The following MYRIP variants were observed in gnomAD, a reference collection of about 807,000 sequenced individuals.
MYRIP encodes rab effector MyRIP.
A neutral mutation model predicts 98.0 loss-of-function variants in MYRIP; 49 were observed. The observed-to-expected ratio is 0.50, with a 90% CI of 0.40 to 0.63. MYRIP has a LOEUF of 0.63. Ranked by LOEUF, MYRIP falls within the 30% of genes least tolerant of loss-of-function variation. MYRIP has a pLI of 0.00. For synonymous variants in MYRIP, 404 were observed against 409.5 expected (o/e 0.99, Z 0.16); for missense variants, 1,004 against 1,058.2 (o/e 0.95, Z 0.71).
chr3:40,026,573 A>C (rs1947134915), intron 2 of MYRIP, among the ~76,000 whole-genome samples: 1 of 152,204 alleles, frequency 6.6e-6, no homozygotes, highest in African/African-American at 2.4e-5. Flanking sequence ...ATAAATGTCC[A>C]TGAAATCTTC....
intron 2 of MYRIP, among the ~76,000 whole-genome samples, chr3:39,930,597 G>C (rs2125699423): frequency 1.3e-5 from 2 of 151,794 alleles, no homozygotes; most frequent in South Asian, 4.2e-4. Context: ...AGAAACCATT[G>C]CCTATCCAAG....
At chr3:40,250,612 G>A (rs1445230706) in intron 15 of MYRIP, 113 bp downstream of exon 15, 2 of 1,237,888 alleles carry the variant, frequency 1.6e-6, no homozygotes, top group African/African-American at 3.0e-5. Flanking sequence ...TTCTCACACA[G>A]AATTGCTCTT....
chr3:40,257,131 G>C (rs1314482201), intron 16 of MYRIP, among the ~76,000 whole-genome samples: 1 of 152,184 alleles, frequency 6.6e-6, no homozygotes, highest in African/African-American at 2.4e-5. Context: ...TTCAAGACCA[G>C]CCTGGGCAAC....
chr3:40,155,488 G>C lies in MYRIP; in HGVS notation c.469+4304G>C, dbSNP rs188698011. 3.2e-3 allele frequency among the ~76,000 whole-genome samples: 486 copies of C among 152,250 alleles called. 1 individual carries two copies. The highest frequency in any genetic ancestry group is 6.8e-3 in the Middle Eastern group (2 of 294). On this transcript the variant is annotated intron_variant, in intron 4 of 16. Transcript: ENST00000302541. ...TGTCTTTATAGCAACATGATTTATAGTCCATTGGGTATATACCCAGTAATG... is the reference window on the plus strand; with the variant it reads ...TGTCTTTATAGCAACATGATTTATACTCCATTGGGTATATACCCAGTAATG...
At chr3:39,826,532 G>T (rs6799715) in intron 1 of MYRIP, among the ~76,000 whole-genome samples, 97,473 of 152,010 alleles carry the variant, frequency 0.64, 31,618 homozygotes, top group African/African-American at 0.73. Flanking sequence ...TTAATATGAT[G>T]TTTTAAAAAA....
chr3:40,229,692 C>T (rs1952595594), intron 11 of MYRIP, among the ~76,000 whole-genome samples: 1 of 152,166 alleles, frequency 6.6e-6, no homozygotes, highest in Admixed American at 6.5e-5. Flanking sequence ...ATCTTCTGTG[C>T]CCCAAGTGGT....
intron 2 of MYRIP, among the ~76,000 whole-genome samples, chr3:39,908,761 G>A (rs1443187560): frequency 6.6e-6 from 1 of 152,066 alleles, no homozygotes; most frequent in East Asian, 1.9e-4. Context: ...CTTTTGTTCT[G>A]AACACTTAAA....
chr3:40,221,934 G>C (rs1426048137), intron 11 of MYRIP, among the ~76,000 whole-genome samples: 2 of 152,174 alleles, frequency 1.3e-5, no homozygotes, highest in African/African-American at 4.8e-5. Context: ...ATGGAGTTCA[G>C]ATAACAGATG....
At chr3:39,900,741 G>T in intron 1 of MYRIP, 46 bp from the exon 2 acceptor site, 1 of 1,014,752 alleles carries the variant, frequency 9.9e-7, no homozygotes. Context: ...GGTTGATTTT[G>T]TCCATGTAGA....
intron 2 of MYRIP, among the ~76,000 whole-genome samples, chr3:39,912,277 T>C (rs900167460): frequency 3.3e-5 from 5 of 152,194 alleles, no homozygotes; most frequent in African/African-American, 1.2e-4. Flanking sequence ...TCTCCAGATA[T>C]GGTGATGTGC....
chr3:39,950,676 A>G (rs1033126188), intron 2 of MYRIP, among the ~76,000 whole-genome samples: 6 of 152,164 alleles, frequency 3.9e-5, no homozygotes, highest in African/African-American at 1.4e-4. Context: ...CCGGATTCCA[A>G]GAAGAACATG....
intron 13 of MYRIP, among the ~76,000 whole-genome samples, chr3:40,247,446 G>A (rs1355593091): frequency 6.6e-6 from 1 of 151,996 alleles, no homozygotes. Flanking sequence ...TTATATCTGA[G>A]GAAACTTACC....
rs149138619 is a variant in MYRIP, at chr3:40,026,286, G to A, written c.111-17764G>A. Among the ~76,000 whole-genome samples, 74 of 152,162 alleles carry A rather than the reference G, an allele frequency of 4.9e-4. 1 individual carries two copies. The highest frequency in any genetic ancestry group is 3.4e-3 in the Middle Eastern group (1 of 294). ...ATATGGCTCTATTTTGTCCGACCCC[G>A]CAGGCAGTCAGACCGTATGGTTGTC... On this transcript the variant is annotated intron_variant, in intron 2 of 16. Coordinates refer to ENST00000302541, the MANE Select transcript of MYRIP (RefSeq NM_015460.4).
At chr3:40,216,208 G>A (rs1338583072) in intron 11 of MYRIP, among the ~76,000 whole-genome samples, 1 of 152,210 alleles carries the variant, frequency 6.6e-6, no homozygotes, top group Non-Finnish European at 1.5e-5. Context: ...AGCCACAGCA[G>A]TAGAATGAGA....
intron 3 of MYRIP, among the ~76,000 whole-genome samples, chr3:40,137,722 T>TCCACTCCTGTA (rs1486123974): frequency 2.6e-5 from 4 of 152,104 alleles, no homozygotes; most frequent in Admixed American, 2.6e-4. Flanking sequence ...GCCCATTTTG[T>TCCACTCCTGTA]CCACTCCTGT....
At position 40,244,535 on chromosome 3, in the gene MYRIP, T is replaced by C. The variant is rs1431832841; in HGVS notation, c.2190T>C (p.Asp730=). Residue 730 remains aspartate (D), a synonymous_variant, in exon 13 of 17, where the codon GAT becomes GAC. Transcript: ENST00000302541. ...DAARCIHSGT[D]ETHLADLEDQ... is the part of the protein sequence containing the mutation. ...CCCGCTGCATCCACAGTGGCACTGA[T>C]GAGACCCATCTGGCGGATCTGGAGG... is the stretch of plus-strand genomic sequence containing the variant. 24 of 1,613,886 alleles carry C rather than the reference T, an allele frequency of 1.5e-5. No homozygotes were observed. Among genetic ancestry groups the C allele is most frequent in the Non-Finnish European group, 1.9e-5 (23 of 1,179,912 alleles).
chr3:39,881,041 A>G (rs1481698374), intron 1 of MYRIP, among the ~76,000 whole-genome samples: 2 of 151,894 alleles, frequency 1.3e-5, no homozygotes. Context: ...CAAGCTTTCT[A>G]TTGAATTATT....
intron 2 of MYRIP, among the ~76,000 whole-genome samples, chr3:40,008,878 A>C (rs1307346393): frequency 6.6e-6 from 1 of 152,178 alleles, no homozygotes; most frequent in Non-Finnish European, 1.5e-5. Context: ...AGGTAGCCTT[A>C]GGGATGCAGA....
intron 2 of MYRIP, among the ~76,000 whole-genome samples, chr3:39,937,895 A>G (rs1214221954): frequency 6.6e-6 from 1 of 152,228 alleles, no homozygotes. Flanking sequence ...TTAGAACTAT[A>G]GTGAATTAAA....
Sources: allele counts gnomAD v4.1 joint callset (sites outside exome capture counted in the v4.1 genomes callset), GRCh38; gene constraint gnomAD v4.1.1; transcripts MANE v1.5; gene names NCBI Gene and HGNC (gene_info 2026-07-23, HGNC 2026-07-21).